The following ELMOD1 variants were observed in gnomAD, a reference collection of about 807,000 sequenced individuals.
ELMOD1 encodes the protein ELMO domain-containing protein 1.
A neutral mutation model predicts 46.7 loss-of-function variants in ELMOD1; 21 were observed. The ratio of observed to expected loss-of-function variants is 0.45; its 90% CI spans 0.32 to 0.65. The LOEUF is 0.65. Among genes scored for constraint, ELMOD1 ranks in the 30% least tolerant of loss-of-function variants. ELMOD1 has a pLI of 0.04. For missense variants in ELMOD1, 348 were observed against 407.8 expected (o/e 0.85, Z 1.26); for synonymous variants, 122 against 138.2 (o/e 0.88, Z 0.82).
intron 5 of ELMOD1, among the ~76,000 whole-genome samples, chr11:107,634,223 A>G (rs1866189261): frequency 6.6e-6 from 1 of 152,206 alleles, no homozygotes; most frequent in African/African-American, 2.4e-5. Context: ...ATGACTCTAA[A>G]GAATTTAGGA....
chr11:107,652,969 A>T (rs567587487), intron 9 of ELMOD1, among the ~76,000 whole-genome samples: 1 of 152,306 alleles, frequency 6.6e-6, no homozygotes, highest in East Asian at 1.9e-4. Context: ...TAGTTTTTAC[A>T]TTGTATTGAG....
In ELMOD1 at chr11:107,618,285, A is replaced by G. The variant is rs190402725; in HGVS notation, c.17+79A>G. The G allele has an allele frequency of 2.1e-5, 30 of 1,450,940 alleles. No individual in the cohort carries two copies. In the African/African-American group the frequency reaches 2.7e-4, roughly 13 times the overall value. The allele number at this position is 1,450,940 out of a possible 1,614,324, so 89.9% of individuals were successfully genotyped here. A position where few individuals can be genotyped will look rare whatever the true frequency, so the allele number is the denominator to read the frequency against. On this transcript the variant is annotated intron_variant, in intron 2 of 11. Coordinates refer to ENST00000265840, the MANE Select transcript of ELMOD1 (RefSeq NM_018712.4). ...ACTGGTTAGGGTAATATTACCAGTC[A>G]TCGTTTGTGATCCTGTGACCAGGAC...
intron 6 of ELMOD1, among the ~76,000 whole-genome samples, chr11:107,644,222 G>A (rs932161704): frequency 1.3e-5 from 2 of 151,916 alleles, no homozygotes; most frequent in African/African-American, 2.4e-5. Context: ...CTTGTACCCA[G>A]GAAGCAGAGG....
chr11:107,596,425 T>G (rs536292878), intron 1 of ELMOD1, among the ~76,000 whole-genome samples: 1 of 152,244 alleles, frequency 6.6e-6, no homozygotes, highest in African/African-American at 2.4e-5. Context: ...TCTTACTTTT[T>G]CCTTTAAAAG....
intron 1 of ELMOD1, among the ~76,000 whole-genome samples, chr11:107,612,795 T>C (rs912380591): frequency 1.3e-5 from 2 of 152,208 alleles, no homozygotes; most frequent in Non-Finnish European, 2.9e-5. Flanking sequence ...GAAACAGTAA[T>C]TTTTCATTTT....
chr11:107,653,151 A>G (rs1178643208), intron 9 of ELMOD1, among the ~76,000 whole-genome samples: 1 of 152,192 alleles, frequency 6.6e-6, no homozygotes, highest in Non-Finnish European at 1.5e-5. Context: ...ACCTTAGTGT[A>G]AAATACTGAA....
At chr11:107,612,199 A>T (rs1308447677) in intron 1 of ELMOD1, among the ~76,000 whole-genome samples, 1 of 152,220 alleles carries the variant, frequency 6.6e-6, no homozygotes, top group Non-Finnish European at 1.5e-5. Context: ...GAATAAAATC[A>T]TGTCCTTTGA....
At chr11:107,616,619 T>G (rs1865868240) in intron 1 of ELMOD1, among the ~76,000 whole-genome samples, 1 of 152,218 alleles carries the variant, frequency 6.6e-6, no homozygotes, top group Admixed American at 6.5e-5. Flanking sequence ...CCTCAAGTGA[T>G]CTGCCTGCCT....
At chr11:107,614,395 A>G (rs1865826805) in intron 1 of ELMOD1, among the ~76,000 whole-genome samples, 3 of 152,150 alleles carry the variant, frequency 2.0e-5, no homozygotes, top group Admixed American at 6.5e-5. Context: ...CTGGAGTGCA[A>G]TGGTGCAATC....
At position 107,666,188 on chromosome 11, in the gene ELMOD1, A is replaced by T. The variant is rs1200900914; in HGVS notation, c.*991A>T. ...GCAATTGTGTCATAGTCATCTGTAT[A>T]TCAAACTATTTTATTCCCATAACTT... On this transcript the variant is annotated 3_prime_UTR_variant, in exon 12 of 12. Coordinates refer to ENST00000265840, the MANE Select transcript of ELMOD1 (RefSeq NM_018712.4). 6.6e-6 allele frequency: 1 copy of T among 152,148 alleles called. No homozygotes were observed. The highest frequency in any genetic ancestry group is 1.9e-4 in the East Asian group (1 of 5,202). The allele number at this position is 152,148 out of a possible 1,614,324, so 9.4% of individuals were successfully genotyped here.
intron 11 of ELMOD1, among the ~76,000 whole-genome samples, chr11:107,658,825 C>T (rs527946653): frequency 4.1e-4 from 62 of 152,210 alleles, no homozygotes; most frequent in Non-Finnish European, 8.2e-4. Flanking sequence ...AGCCCAGCTA[C>T]TCGGGAGGCT....
chr11:107,593,659 AGG>A, intron 1 of ELMOD1, among the ~76,000 whole-genome samples: 1 of 152,218 alleles, frequency 6.6e-6, no homozygotes, highest in Non-Finnish European at 1.5e-5. Context: ...GCAAATAAAA[AGG>A]TGGGCTGCCC....
intron 7 of ELMOD1, among the ~76,000 whole-genome samples, chr11:107,648,484 G>A (rs1866471718): frequency 6.6e-6 from 1 of 152,244 alleles, no homozygotes; most frequent in Non-Finnish European, 1.5e-5. Context: ...CAACGAATCA[G>A]AGGGATCCCA....
chr11:107,651,636 CT>C (rs140380510), intron 9 of ELMOD1, among the ~76,000 whole-genome samples: 4,596 of 152,244 alleles, frequency 0.03, 199 homozygotes, highest in African/African-American at 0.098. Flanking sequence ...TCATTTAGCT[CT>C]TTCTTGTTAT....
intron 10 of ELMOD1, among the ~76,000 whole-genome samples, chr11:107,655,207 T>A (rs1479832224): frequency 6.6e-6 from 1 of 152,224 alleles, no homozygotes; most frequent in African/African-American, 2.4e-5. Context: ...TTTTATATCC[T>A]GCTGAAATCG....
chr11:107,611,040 T>A (rs889635510), intron 1 of ELMOD1, among the ~76,000 whole-genome samples: 2 of 149,242 alleles, frequency 1.3e-5, no homozygotes, highest in African/African-American at 4.9e-5. Context: ...AACATCATTC[T>A]GGATATCAGC....
intron 1 of ELMOD1, among the ~76,000 whole-genome samples, chr11:107,595,422 T>C (rs1245670469): frequency 6.6e-6 from 1 of 152,174 alleles, no homozygotes; most frequent in East Asian, 1.9e-4. Flanking sequence ...ATTCTGATAG[T>C]ATATGATAAA....
In ELMOD1 at chr11:107,655,981, T is replaced by C; in HGVS notation, c.747T>C (p.Asn249=). Reference sequence around the variant, plus strand: ...TCAATATAACTGACCTGGCATATAATCTACTGGTCAGCGGAGCTCTAAAAA... The same window carrying C: ...TCAATATAACTGACCTGGCATATAACCTACTGGTCAGCGGAGCTCTAAAAA... ...VGINITDLAY[N]LLVSGALKTH... is the part of the protein sequence containing the mutation. The change falls in exon 11 of 12, where the codon AAT becomes AAC. Residue 249 remains asparagine (N), a synonymous_variant. Transcript: ENST00000265840. The C allele has an allele frequency of 1.3e-6, 2 of 1,598,696 alleles. No individual in the cohort carries two copies. The highest frequency in any genetic ancestry group is 8.5e-7 in the Non-Finnish European group (1 of 1,171,326).
chr11:107,651,417 T>C (rs778214089), intron 9 of ELMOD1, among the ~76,000 whole-genome samples: 3 of 152,226 alleles, frequency 2.0e-5, no homozygotes, highest in Non-Finnish European at 4.4e-5. Context: ...TTAGTACTCA[T>C]GTTTGCTAAG....
Sources: gnomAD v4.1 joint callset for allele counts (sites outside exome capture counted in the v4.1 genomes callset) on GRCh38, gnomAD v4.1.1 for gene constraint, MANE v1.5 for transcripts, NCBI Gene and HGNC (gene_info 2026-07-23, HGNC 2026-07-21) for gene names.